SH3RF2: variants seen among roughly 807,000 people sequenced by gnomAD.
SH3RF2 encodes the protein E3 ubiquitin-protein ligase SH3RF2.
In SH3RF2, 43 loss-of-function variants were observed where a neutral mutation model predicts 59.0. That is an observed-to-expected ratio of 0.73 (90% CI 0.57 to 0.94). The LOEUF is 0.94. SH3RF2 is among the 40% of genes least tolerant of loss of function. The pLI is 0.00. For synonymous variants in SH3RF2, 391 were observed against 391.5 expected, an observed-to-expected ratio of 1.00 and a Z score of 0.01; for missense variants, 930 against 940.1, an observed-to-expected ratio of 0.99 and a Z score of 0.14.
intron 5 of SH3RF2, among the ~76,000 whole-genome samples, chr5:146,041,200 C>T (rs1762113488): frequency 6.6e-6 from 1 of 152,126 alleles, no homozygotes; most frequent in African/African-American, 2.4e-5. Context: ...CCATGGGGCC[C>T]ATGTATAAAT....
chr5:146,031,008 T>C (rs1221580529), intron 5 of SH3RF2, among the ~76,000 whole-genome samples: 1 of 152,172 alleles, frequency 6.6e-6, no homozygotes, highest in East Asian at 1.9e-4. Flanking sequence ...GGCTAAAAGA[T>C]TGGCCTCTTC....
intron 2 of SH3RF2, among the ~76,000 whole-genome samples, chr5:145,954,647 C>G (rs7708214): frequency 0.2 from 30,720 of 152,044 alleles, 4,274 homozygotes; most frequent in African/African-American, 0.39. Context: ...TTCCAGGATG[C>G]TATTACCTAG....
intron 5 of SH3RF2, among the ~76,000 whole-genome samples, chr5:146,033,647 A>G (rs1761823833): frequency 1.3e-5 from 2 of 150,844 alleles, no homozygotes; most frequent in South Asian, 4.2e-4. Context: ...ATTTTGTATT[A>G]TTATTAGAGA....
intron 2 of SH3RF2, among the ~76,000 whole-genome samples, chr5:145,992,045 C>T (rs1207380585): frequency 6.6e-6 from 1 of 152,050 alleles, no homozygotes; most frequent in Admixed American, 6.6e-5. Context: ...TTAACACCTC[C>T]CAGATTCTCA....
chr5:146,013,877 G>C lies in SH3RF2; in HGVS notation c.875G>C (p.Arg292Thr). 6.2e-7 allele frequency: 1 copy of C among 1,614,186 alleles called. No homozygotes were observed. Among genetic ancestry groups the C allele is most frequent in the South Asian group, 1.1e-5 (1 of 91,078 alleles). ...ACCCTCCGTAGGGGCCCAGGGTCCA[G>C]GAGGAAGGTGCCTGGGCAGTTTTCC... ...TSTLRRGPGSRRKVPGQFSIT... is the reference protein window; with the variant it reads ...TSTLRRGPGSTRKVPGQFSIT... The change falls in exon 5 of 10, where the codon AGG (arginine) becomes ACG (threonine). Residue 292 changes from arginine to threonine, a missense_variant. Arg to Thr is a moderately conservative substitution (Grantham distance 71, BLOSUM62 -1). Coordinates refer to ENST00000359120, the MANE Select transcript of SH3RF2 (RefSeq NM_152550.4).
chr5:146,069,232 T>C (rs1245648582), intron 9 of SH3RF2, among the ~76,000 whole-genome samples: 1 of 152,226 alleles, frequency 6.6e-6, no homozygotes, highest in African/African-American at 2.4e-5. Context: ...CTGATTTTGA[T>C]GCGCCAACAT....
At chr5:146,010,139 G>A (rs1417227483) in intron 4 of SH3RF2, among the ~76,000 whole-genome samples, 1 of 150,800 alleles carries the variant, frequency 6.6e-6, no homozygotes, top group Non-Finnish European at 1.5e-5. Context: ...TTTGGTTTTT[G>A]GTCCTTGCGA....
intron 2 of SH3RF2, among the ~76,000 whole-genome samples, chr5:145,984,097 G>A (rs1050540021): frequency 1.3e-5 from 2 of 151,982 alleles, no homozygotes; most frequent in African/African-American, 4.8e-5. Flanking sequence ...AAATAAATGA[G>A]TGCTTACTAG....
chr5:146,055,706 AG>A (rs1342078019), intron 7 of SH3RF2: 9 of 479,638 alleles, frequency 1.9e-5, no homozygotes, highest in Non-Finnish European at 3.0e-5. Flanking sequence ...GGAGTGAAAA[AG>A]GATGAAATTC....
rs770613982 is a variant in SH3RF2 at position 146,047,819 on chromosome 5, C to T, written c.1107C>T (p.Ala369=). ...CTGTCTCTCCAGGACATTCCACAGC[C>T]GTGGTCAGTCTGCCTGGCTCCCAGC... ...PAPVSPGHST[A]VVSLPGSQQH... is the part of the protein sequence containing the mutation. Residue 369 remains alanine, a synonymous_variant, in exon 6 of 10, where the codon GCC becomes GCT. Transcript: ENST00000359120. 9 of 1,614,096 alleles carry T rather than the reference C, an allele frequency of 5.6e-6. No individual in the cohort carries two copies. Among genetic ancestry groups the T allele is most frequent in the Non-Finnish European group, 6.8e-6 (8 of 1,180,022 alleles).
intron 9 of SH3RF2, among the ~76,000 whole-genome samples, chr5:146,075,117 A>C (rs1763316845): frequency 6.6e-6 from 1 of 152,256 alleles, no homozygotes; most frequent in Non-Finnish European, 1.5e-5. Flanking sequence ...GGGCATAAGA[A>C]ACTCCAGTAA....
At chr5:145,986,629 C>G (rs1354654547) in intron 2 of SH3RF2, among the ~76,000 whole-genome samples, 1 of 152,106 alleles carries the variant, frequency 6.6e-6, no homozygotes, top group East Asian at 1.9e-4. Flanking sequence ...AGTCCTATCC[C>G]ATTGAACAGC....
At chr5:146,001,056 CT>C (rs1407039635) in intron 3 of SH3RF2, among the ~76,000 whole-genome samples, 1 of 152,204 alleles carries the variant, frequency 6.6e-6, no homozygotes, top group African/African-American at 2.4e-5. Context: ...ATAATCGTGC[CT>C]TTCTACATAA....
exon 10 of SH3RF2, chr5:146,079,140 T>C (rs556378777): frequency 6.6e-6 from 1 of 152,296 alleles, no homozygotes; most frequent in East Asian, 1.9e-4. Flanking sequence ...AAATCCATGA[T>C]GTTATATGAA....
At chr5:145,947,014 C>T (rs1758025917) in intron 2 of SH3RF2, among the ~76,000 whole-genome samples, 1 of 151,976 alleles carries the variant, frequency 6.6e-6, no homozygotes, top group African/African-American at 2.4e-5. Context: ...TTAGCCTTTG[C>T]TAAGTGTTCA....
intron 5 of SH3RF2, among the ~76,000 whole-genome samples, chr5:146,023,924 C>T (rs924722343): frequency 5.3e-5 from 8 of 152,098 alleles, no homozygotes; most frequent in East Asian, 3.8e-4. Context: ...ACTCATGTTG[C>T]GGTATGTATT....
intron 2 of SH3RF2, among the ~76,000 whole-genome samples, chr5:145,965,829 T>C (rs927248153): frequency 6.6e-6 from 1 of 152,086 alleles, no homozygotes; most frequent in Non-Finnish European, 1.5e-5. Context: ...ATATTTAAAG[T>C]GTGGTTGGTA....
rs11434546 is a variant in SH3RF2 at position 146,035,353 on chromosome 5, C to CTT, written c.1060-12411_1060-12410dup. Among the ~76,000 whole-genome samples, 12 of 151,034 alleles carry CTT rather than the reference C, an allele frequency of 7.9e-5. No homozygotes were observed. In the South Asian group the frequency reaches 8.4e-4, roughly 11 times the overall value. ...CTTAGAAGGGATTTTTTTTAATTAA[C>CTT]TTTTTTTTTAACTTTTTTTCATTCT... On this transcript the variant is annotated intron_variant, in intron 5 of 9. Transcript: ENST00000359120.
At position 146,014,925 on chromosome 5, in the gene SH3RF2, T is replaced by C. The variant is rs538524408; in HGVS notation, c.1059+864T>C. ...TTAGGTTGAAGGGTACTTTAAAAGA[T>C]GAAGGAGTGGAGGTATGAGGCAAAG... On this transcript the variant is annotated intron_variant, in intron 5 of 9. Transcript: ENST00000359120. Among the ~76,000 whole-genome samples, 5 of 152,298 alleles carry C rather than the reference T, an allele frequency of 3.3e-5. No individual in the cohort carries two copies. In the East Asian group the frequency reaches 9.7e-4, roughly 29 times the overall value.
Sources: allele counts gnomAD v4.1 joint callset (sites outside exome capture counted in the v4.1 genomes callset), GRCh38; gene constraint gnomAD v4.1.1; transcripts MANE v1.5; gene names NCBI Gene and HGNC (gene_info 2026-07-23, HGNC 2026-07-21).